Variants in BRD1 observed in about 807,000 individuals in gnomAD.
The protein encoded by BRD1 is bromodomain-containing protein 1.
In BRD1, 24 loss-of-function variants were observed where a neutral mutation model predicts 107.7. The observed-to-expected ratio is 0.22, with a 90% CI of 0.16 to 0.31. BRD1 has a LOEUF of 0.31. Ranked by LOEUF, BRD1 falls within the 10% of genes least tolerant of loss-of-function variation. BRD1 has a pLI of 1.00. For missense variants in BRD1, 1,279 were observed against 1,638.6 expected (o/e 0.78, Z 3.79); for synonymous variants, 744 against 686.1 (o/e 1.08, Z -1.32).
At chr22:49,790,836 T>G (rs138844) in intron 7 of BRD1, among the ~76,000 whole-genome samples, 52,386 of 152,114 alleles carry the variant, frequency 0.34, 11,888 homozygotes, top group African/African-American at 0.65. Flanking sequence ...GGGCCACAGT[T>G]CTCCACGTGC....
intron 7 of BRD1, among the ~76,000 whole-genome samples, chr22:49,791,117 C>T (rs143875168): frequency 1.6e-4 from 25 of 152,382 alleles, no homozygotes; most frequent in African/African-American, 6.0e-4. Flanking sequence ...GTCCCACAGG[C>T]TCATCAGACA....
At chr22:49,812,570 C>G (rs1364643469) in intron 2 of BRD1, among the ~76,000 whole-genome samples, 1 of 152,050 alleles carries the variant, frequency 6.6e-6, no homozygotes, top group African/African-American at 2.4e-5. Flanking sequence ...GACCTTGTCT[C>G]AAAAAAGTAA....
At chr22:49,777,337 G>T (rs538702171) in intron 9 of BRD1, among the ~76,000 whole-genome samples, 176 bp from the exon 10 acceptor site, 3 of 152,262 alleles carry the variant, frequency 2.0e-5, no homozygotes, top group South Asian at 2.1e-4. Flanking sequence ...TGGCAGGGGG[G>T]ACTCAGGAGG....
chr22:49,805,417 A>T (rs528086772), intron 2 of BRD1: 2 of 152,436 alleles, frequency 1.3e-5, no homozygotes, highest in South Asian at 2.1e-4. Flanking sequence ...GCAGATGTGG[A>T]ACCCCTTTAG....
At chr22:49,797,545 A>G (rs2059557766) in intron 6 of BRD1, among the ~76,000 whole-genome samples, 1 of 152,244 alleles carries the variant, frequency 6.6e-6, no homozygotes, top group African/African-American at 2.4e-5. Context: ...AAAAGCTTAT[A>G]TATCCTCAGT....
chr22:49,827,103 G>GGGCGGCCCGGCCGGCTCGGC (rs2060155136), intron 1 of BRD1, among the ~76,000 whole-genome samples: 1 of 151,882 alleles, frequency 6.6e-6, no homozygotes, highest in South Asian at 2.1e-4. Context: ...GTTACATAAG[G>GGGCGGCCCGGCCGGCTCGGC]GGCGGCCCGG....
rs1474961666 is a variant in BRD1, at chr22:49,803,166, G to A, written c.1524+1038C>T. On this transcript the variant is annotated intron_variant, in intron 3 of 12. Coordinates refer to ENST00000404760, the MANE Select transcript of BRD1 (RefSeq NM_001304808.3). The surrounding 1 kb of genome is among the most constrained non-coding windows in gnomAD (Gnocchi z 4.4). ...CTGTAGTTCCCTGGAGCACAAGGCAGCCACGGCAGGTGACTGAACAGGGCT... is the reference window on the plus strand; with the variant it reads ...CTGTAGTTCCCTGGAGCACAAGGCAACCACGGCAGGTGACTGAACAGGGCT... Among the ~76,000 whole-genome samples, 1 of 152,238 alleles carries A rather than the reference G, an allele frequency of 6.6e-6. No homozygotes were observed. Among genetic ancestry groups the A allele is most frequent in the East Asian group, 1.9e-4 (1 of 5,192 alleles).
At chr22:49,798,231 G>C in intron 5 of BRD1, 114 bp from the exon 6 acceptor site, 1 of 1,114,216 alleles carries the variant, frequency 9.0e-7, no homozygotes, top group African/African-American at 1.6e-5. Flanking sequence ...GCCACACACA[G>C]ACACGCAGAC....
Position 49,824,500 on chromosome 22 carries a change from A to G in BRD1, c.-14-169T>C. The G allele has an allele frequency of 1.4e-6, 2 of 1,427,876 alleles. No individual in the cohort carries two copies. The highest frequency in any genetic ancestry group is 1.8e-6 in the Non-Finnish European group (2 of 1,096,894). 88.5% of individuals were successfully genotyped at this position (1,427,876 alleles called of 1,614,324 possible). ...GTCCAAAACCACACATCCAGGCCTG[A>G]GCGAGTCCCCAGGACCAGGGAGGGA... On this transcript the variant is annotated intron_variant, in intron 1 of 12. Transcript: ENST00000404760. This position sits in a 1 kb window ranked among gnomAD's most constrained non-coding sequence, Gnocchi z 5.9.
At chr22:49,775,858 A>ATCCCCC in intron 11 of BRD1, 113 bp from the exon 12 acceptor site, 1 of 996,934 alleles carries the variant, frequency 1.0e-6, no homozygotes. Flanking sequence ...GCCTCCTCAG[A>ATCCCCC]CCACCCCCAC....
intron 5 of BRD1, 114 bp downstream of exon 5, chr22:49,798,444 A>T: frequency 6.7e-7 from 1 of 1,501,628 alleles, no homozygotes; most frequent in Non-Finnish European, 9.1e-7. Flanking sequence ...AATAAAAACG[A>T]GAATTAAGAA....
Position 49,787,534 on chromosome 22 carries a change from T to C in BRD1, c.2713A>G (p.Thr905Ala). 3.7e-6 allele frequency: 6 copies of C among 1,609,546 alleles called. No homozygotes were observed. The highest frequency in any genetic ancestry group is 1.6e-4 in the Middle Eastern group (1 of 6,062). Residue 905 changes from threonine (T) to alanine (A), a missense_variant, in exon 8 of 13, where the codon ACT (threonine) becomes GCT (alanine). Transcript: ENST00000404760. ...KSAKNTETQPTSPQLGTKTFL... is the reference protein window; with the variant it reads ...KSAKNTETQPASPQLGTKTFL... ...GTTTTGGTCCCTAGCTGAGGAGAAG[T>C]TGGCTGGGTTTCAGTGTTCTTGGCA...
rs146008173 is a variant in BRD1, at chr22:49,803,233, GCCACCGCA to G, written c.1524+963_1524+970del. 1.3e-5 allele frequency among the ~76,000 whole-genome samples: 2 copies of G among 152,218 alleles called. No individual in the cohort carries two copies. The highest frequency in any genetic ancestry group is 4.8e-5 in the African/African-American group (2 of 41,456). Reference sequence around the variant, plus strand: ...AGTCTGCGAGGCAGAGACAGCACCGGCCACCGCACCACCGCACGGGGACCCAACCGTGA... The same window carrying G: ...AGTCTGCGAGGCAGAGACAGCACCGGCCACCGCACGGGGACCCAACCGTGA... On this transcript the variant is annotated intron_variant, in intron 3 of 12. Transcript: ENST00000404760. This position sits in a 1 kb window ranked among gnomAD's most constrained non-coding sequence, Gnocchi z 4.4.
chr22:49,799,180 G>A, intron 3 of BRD1, 61 bp from the exon 4 acceptor site: 1 of 1,575,768 alleles, frequency 6.3e-7, no homozygotes. Context: ...AAAGGCCTCA[G>A]ATACCATGCA....
chr22:49,778,943 G>A (rs1257620167), intron 8 of BRD1, among the ~76,000 whole-genome samples: 1 of 152,242 alleles, frequency 6.6e-6, no homozygotes, highest in African/African-American at 2.4e-5. Flanking sequence ...TTACAGGCAT[G>A]AGCCATGACA....
rs146080863 is a variant in BRD1 at position 49,823,208 on chromosome 22, C to T, written c.1110G>A (p.Leu370=). 3.1e-4 allele frequency: 502 copies of T among 1,614,114 alleles called. 3 individuals carry two copies. The highest frequency in any genetic ancestry group is 4.1e-4 in the Non-Finnish European group (482 of 1,180,046). Reference sequence around the variant, plus strand: ...CGGAGAAGGTGGTGCCACCGCCAGTCAGTTCCTTCACGGGCTCCATTTTCA... The same window carrying T: ...CGGAGAAGGTGGTGCCACCGCCAGTTAGTTCCTTCACGGGCTCCATTTTCA... ...LYMKMEPVKE[L]TGGGTTFSVR... The change falls in exon 2 of 13, where the codon CTG becomes CTA. Residue 370 remains leucine, a synonymous_variant. Transcript: ENST00000404760.
At chr22:49,797,085 C>T (rs1156790707) in intron 6 of BRD1, among the ~76,000 whole-genome samples, 1 of 152,232 alleles carries the variant, frequency 6.6e-6, no homozygotes, top group African/African-American at 2.4e-5. Context: ...GCAGGACACA[C>T]CCTTCGACAG....
rs1352864459 is a variant in BRD1, at chr22:49,827,566, GC to G, written c.-85del. ...CGGGGGCCGGCGCGGCCGAGGCGGT[GC>G]TAATGGCGCCCGCGGCTCCTCCGCC... On this transcript the variant is annotated 5_prime_UTR_variant, in exon 1 of 13. Transcript: ENST00000404760. 2.1e-5 allele frequency: 3 copies of G among 143,656 alleles called. No homozygotes were observed. The highest frequency in any genetic ancestry group is 7.5e-5 in the African/African-American group (3 of 40,060). The allele number at this position is 143,656 out of a possible 1,614,324, so 8.9% of individuals were successfully genotyped here. A position where few individuals can be genotyped will look rare whatever the true frequency, so the allele number is the denominator to read the frequency against.
intron 12 of BRD1, among the ~76,000 whole-genome samples, chr22:49,774,820 C>T (rs934664983): frequency 6.6e-6 from 1 of 152,262 alleles, no homozygotes; most frequent in African/African-American, 2.4e-5. Context: ...TGACAAGAAG[C>T]AGTGGCCACG....
Sources: gnomAD v4.1 joint callset for allele counts (sites outside exome capture counted in the v4.1 genomes callset) on GRCh38, gnomAD v4.1.1 for gene constraint, Gnocchi (gnomAD v3.1) non-coding constraint, MANE v1.5 for transcripts, NCBI Gene and HGNC (gene_info 2026-07-23, HGNC 2026-07-21) for gene names.